The following COLGALT2 variants were observed in gnomAD, a reference collection of about 807,000 sequenced individuals.
COLGALT2 encodes procollagen galactosyltransferase 2.
COLGALT2 carries 49 observed loss-of-function variants against 73.4 expected under a neutral mutation model. The ratio of observed to expected loss-of-function variants is 0.67; its 90% CI spans 0.53 to 0.85. The LOEUF is 0.85. COLGALT2 is among the 40% of genes least tolerant of loss of function. The pLI, the probability that COLGALT2 is intolerant of heterozygous loss-of-function variation, is 0.00. For missense variants in COLGALT2, 722 were observed against 790.2 expected, an observed-to-expected ratio of 0.91 and a Z score of 1.03; for synonymous variants, 295 against 307.6, an observed-to-expected ratio of 0.96 and a Z score of 0.43.
downstream of COLGALT2, among the ~76,000 whole-genome samples, chr1:183,931,039 T>C (rs1234039114): frequency 6.6e-6 from 1 of 152,220 alleles, no homozygotes; most frequent in Non-Finnish European, 1.5e-5. Flanking sequence ...TGTAATGTTT[T>C]CTTAAGAGTT....
downstream of COLGALT2, among the ~76,000 whole-genome samples, chr1:183,932,782 T>C (rs924257129): frequency 5.3e-4 from 81 of 151,884 alleles, 1 homozygote; most frequent in African/African-American, 1.8e-3. Context: ...TGGGCCGGAG[T>C]GTCCCTCTCA....
At chr1:183,974,114 G>A (rs1671127659) in intron 3 of COLGALT2, among the ~76,000 whole-genome samples, 2 of 152,190 alleles carry the variant, frequency 1.3e-5, no homozygotes, top group African/African-American at 4.8e-5. Flanking sequence ...CCCAGTCTAG[G>A]TACAGATGGG....
chr1:183,988,854 C>T (rs1671557724), intron 1 of COLGALT2, among the ~76,000 whole-genome samples: 1 of 152,080 alleles, frequency 6.6e-6, no homozygotes, highest in Admixed American at 6.5e-5. Context: ...AGTACGGCTG[C>T]TCAAATTTTA....
At chr1:183,975,066 A>G (rs376066533) in intron 3 of COLGALT2, 31 bp downstream of exon 3, 3 of 1,470,296 alleles carry the variant, frequency 2.0e-6, no homozygotes, top group Non-Finnish European at 2.9e-6. Context: ...CTGAGATGAC[A>G]GTTGTCAAGA....
intron 1 of COLGALT2, among the ~76,000 whole-genome samples, chr1:184,018,390 T>C (rs1052993639): frequency 6.6e-6 from 1 of 152,200 alleles, no homozygotes; most frequent in Admixed American, 6.5e-5. Flanking sequence ...TGCCCTATAG[T>C]ATTTTAGGAG....
At chr1:183,993,076 C>G (rs1439870643) in intron 1 of COLGALT2, among the ~76,000 whole-genome samples, 1 of 152,144 alleles carries the variant, frequency 6.6e-6, no homozygotes, top group Non-Finnish European at 1.5e-5. Flanking sequence ...TCACTTTTTA[C>G]AAGAAAACTC....
intron 2 of COLGALT2, 147 bp from the exon 3 acceptor site, chr1:183,975,361 T>G: frequency 1.8e-6 from 1 of 568,304 alleles, no homozygotes; most frequent in East Asian, 2.9e-5. Context: ...ATATTACAGA[T>G]GAGGAAACCG....
intron 1 of COLGALT2, among the ~76,000 whole-genome samples, chr1:184,003,480 C>T (rs1192475735): frequency 6.6e-6 from 1 of 152,048 alleles, no homozygotes; most frequent in African/African-American, 2.4e-5. Flanking sequence ...AGTCCAGGGA[C>T]CAGTCATGGG....
chr1:184,018,937 T>G (rs988800520), intron 1 of COLGALT2, among the ~76,000 whole-genome samples: 1 of 152,346 alleles, frequency 6.6e-6, no homozygotes, highest in African/African-American at 2.4e-5. Context: ...ACCATACATC[T>G]GCCTAAAGCA....
At chr1:183,997,708 A>G (rs901645161) in intron 1 of COLGALT2, among the ~76,000 whole-genome samples, 1 of 152,226 alleles carries the variant, frequency 6.6e-6, no homozygotes, top group Admixed American at 6.5e-5. Flanking sequence ...GTTTCACTAC[A>G]TATGTATATA....
chr1:183,957,788 T>TTG (rs1670594328), intron 6 of COLGALT2, among the ~76,000 whole-genome samples: 1 of 150,574 alleles, frequency 6.6e-6, no homozygotes, highest in Non-Finnish European at 1.5e-5. Context: ...GTTTTTTTTT[T>TTG]TTTTTTTTTT....
rs527657236 is a variant in COLGALT2 at position 184,013,582 on chromosome 1, G to A, written c.263+23513C>T. On this transcript the variant is annotated intron_variant, in intron 1 of 11. Coordinates refer to ENST00000361927, the MANE Select transcript of COLGALT2 (RefSeq NM_015101.4). ...GGGAAGAATGGGGAAGGACGGGGCG[G>A]GAGAAACTGGCAGAACCCTTGTATC... 2.0e-5 allele frequency among the ~76,000 whole-genome samples: 3 copies of A among 152,314 alleles called. No homozygotes were observed. In the East Asian group the frequency reaches 5.8e-4, roughly 29 times the overall value.
In COLGALT2 at chr1:183,935,940, G is replaced by A. The variant is rs891934476; in HGVS notation, c.*2821C>T. The A allele has an allele frequency of 3.2e-5, 32 of 985,312 alleles. No individual in the cohort carries two copies. The highest frequency in any genetic ancestry group is 2.6e-4 in the African/African-American group (15 of 57,230). The allele number at this position is 985,312 out of a possible 1,614,324, so 61.0% of individuals were successfully genotyped here. A position where few individuals can be genotyped will look rare whatever the true frequency, so the allele number is the denominator to read the frequency against. On this transcript the variant is annotated 3_prime_UTR_variant, in exon 12 of 12. Coordinates refer to ENST00000361927, the MANE Select transcript of COLGALT2 (RefSeq NM_015101.4). The stretch of plus-strand genomic sequence containing the variant: ...CGCAAGACAGATGATGCAGGGGAAC[G>A]GGTGTCCACTCTTTCTTGTTCTCAG...
chr1:183,983,792 G>A (rs1045702828), intron 1 of COLGALT2, among the ~76,000 whole-genome samples: 8 of 152,270 alleles, frequency 5.3e-5, no homozygotes, highest in South Asian at 2.1e-4. Context: ...GTACTGCCTC[G>A]AATCTGTTAC....
chr1:184,019,199 G>A (rs1466171451), intron 1 of COLGALT2, among the ~76,000 whole-genome samples: 1 of 152,170 alleles, frequency 6.6e-6, no homozygotes, highest in Non-Finnish European at 1.5e-5. Context: ...GAGGTGAAAA[G>A]CAGTACTTGT....
intron 1 of COLGALT2, among the ~76,000 whole-genome samples, chr1:184,027,317 C>T (rs1649361649): frequency 6.6e-6 from 1 of 152,198 alleles, no homozygotes; most frequent in Admixed American, 6.5e-5. Context: ...CTTCTAGGAG[C>T]TCATCTTCTG....
At chr1:183,989,236 G>A (rs60403967) in intron 1 of COLGALT2, among the ~76,000 whole-genome samples, 5,839 of 152,308 alleles carry the variant, frequency 0.038, 380 homozygotes, top group African/African-American at 0.13. Context: ...GCAAGGAAGT[G>A]AGAAGTGTCA....
intron 4 of COLGALT2, among the ~76,000 whole-genome samples, chr1:183,970,566 C>T (rs1434343524): frequency 2.6e-5 from 4 of 152,270 alleles, no homozygotes; most frequent in East Asian, 1.9e-4. Context: ...ACCCTAATGC[C>T]GACCCCATGA....
chr1:183,944,223 T>C lies in COLGALT2; in HGVS notation c.1370A>G (p.Asp457Gly). The change falls in exon 10 of 12, where the codon GAC (aspartate) becomes GGC (glycine). Residue 457 changes from aspartate (D) to glycine (G), a missense_variant. Asp to Gly is a moderately conservative substitution (Grantham distance 94). Transcript: ENST00000361927. ...KKLMKLMDNI[D>G]QAQLDWELIY... ...CAGTTCCCAGTCCAGCTGAGCCTGG[T>C]CAATGTTATCCATCAGCTTCATCAG... 1.9e-6 allele frequency: 3 copies of C among 1,613,732 alleles called. No individual in the cohort carries two copies. Among genetic ancestry groups the C allele is most frequent in the Non-Finnish European group, 2.5e-6 (3 of 1,179,874 alleles).
Sources: allele counts gnomAD v4.1 joint callset (sites outside exome capture counted in the v4.1 genomes callset), GRCh38; gene constraint gnomAD v4.1.1; transcripts MANE v1.5; gene names NCBI Gene and HGNC (gene_info 2026-07-23, HGNC 2026-07-21).